The following WWOX variants were observed in gnomAD, a reference collection of about 807,000 sequenced individuals.
WWOX encodes WW domain containing oxidoreductase.
A neutral mutation model predicts 46.2 loss-of-function variants in WWOX; 69 were observed. The ratio of observed to expected loss-of-function variants is 1.49; its 90% CI spans 1.23 to 1.82. The LOEUF (loss-of-function observed/expected upper bound fraction) is 1.82. Among genes scored for constraint, WWOX ranks in the 40% most tolerant of loss-of-function variants. WWOX has a pLI of 0.00. For synonymous variants in WWOX, 359 were observed against 202.6 expected (o/e 1.77, Z -6.56); for missense variants, 919 against 542.6 (o/e 1.69, Z -6.89).
rs748514681 is a variant in WWOX at position 78,540,016 on chromosome 16, T to TCACACA, written c.1056+107265_1056+107266insACACAC. ...CTCTCTTTCTCTCTCTCTCTCTCTC[T>TCACACA]CTCTCACACACACACACACACACAC... On this transcript the variant is annotated intron_variant, in intron 8 of 8. Transcript: ENST00000566780. Among the ~76,000 whole-genome samples, 937 of 120,710 alleles carry TCACACA rather than the reference T, an allele frequency of 7.8e-3. 3 individuals are homozygous for TCACACA. Among genetic ancestry groups the TCACACA allele is most frequent in the South Asian group, 0.011 (42 of 3,686 alleles). The allele number at this position is 120,710 out of a possible 152,430, so 79.2% of individuals were successfully genotyped here.
intron 8 of WWOX, among the ~76,000 whole-genome samples, chr16:78,920,880 A>C (rs2045362868): frequency 6.6e-6 from 1 of 152,228 alleles, no homozygotes; most frequent in African/African-American, 2.4e-5. Flanking sequence ...CTCGATGAGC[A>C]AATGATTCCA....
At chr16:78,953,559 G>C (rs895901431) in intron 8 of WWOX, among the ~76,000 whole-genome samples, 6 of 152,126 alleles carry the variant, frequency 3.9e-5, no homozygotes, top group South Asian at 2.1e-4. Flanking sequence ...CATTGCCCCA[G>C]GGGACTCATT....
chr16:78,432,415 T>A (rs2083243505), intron 7 of WWOX, 73 bp from the exon 8 acceptor site: 27 of 1,588,718 alleles, frequency 1.7e-5, no homozygotes, highest in Non-Finnish European at 2.1e-5. Flanking sequence ...ATTCCTTAGA[T>A]TTCCAATAAA....
chr16:78,321,318 A>G (rs867924977), intron 5 of WWOX, among the ~76,000 whole-genome samples: 12,681 of 96,070 alleles, frequency 0.13, 1,559 homozygotes, highest in African/African-American at 0.23. Flanking sequence ...ATATATGCGT[A>G]TATATATACG....
intron 8 of WWOX, among the ~76,000 whole-genome samples, chr16:79,054,980 T>G (rs1007999884): frequency 2.6e-5 from 4 of 152,208 alleles, no homozygotes; most frequent in African/African-American, 9.7e-5. Flanking sequence ...TGTGCAATGG[T>G]TTTCCACTGA....
chr16:79,003,278 G>A (rs376592802), intron 8 of WWOX, among the ~76,000 whole-genome samples: 1 of 152,150 alleles, frequency 6.6e-6, no homozygotes, highest in Admixed American at 6.5e-5. Context: ...AAACTGAAAG[G>A]CAATCAAAGT....
At chr16:78,760,178 C>T (rs754339217) in intron 8 of WWOX, among the ~76,000 whole-genome samples, 6 of 152,112 alleles carry the variant, frequency 3.9e-5, no homozygotes, top group African/African-American at 9.7e-5. Context: ...CGGCAGCAGA[C>T]GAGAGAGAGT....
chr16:78,784,118 A>G (rs2050397951), intron 8 of WWOX, among the ~76,000 whole-genome samples: 1 of 152,138 alleles, frequency 6.6e-6, no homozygotes, highest in Non-Finnish European at 1.5e-5. Context: ...TTTTAAATGC[A>G]TTTACACCAA....
At chr16:78,725,543 C>T (rs1304122750) in intron 8 of WWOX, among the ~76,000 whole-genome samples, 1 of 151,544 alleles carries the variant, frequency 6.6e-6, no homozygotes, top group Admixed American at 6.6e-5. Flanking sequence ...AATGGGGTTT[C>T]ACCATGTTGG....
chr16:78,294,818 C>T (rs2079917985), intron 5 of WWOX, among the ~76,000 whole-genome samples: 1 of 121,532 alleles, frequency 8.2e-6, no homozygotes, highest in African/African-American at 2.9e-5. Flanking sequence ...GTTTGGTCAA[C>T]ATTTGTTGAT....
At chr16:79,136,556 G>T (rs1392058711) in intron 8 of WWOX, among the ~76,000 whole-genome samples, 1 of 152,164 alleles carries the variant, frequency 6.6e-6, no homozygotes, top group Non-Finnish European at 1.5e-5. Context: ...GCTAATTTCT[G>T]TGAAATTGTG....
intron 5 of WWOX, among the ~76,000 whole-genome samples, chr16:78,329,429 C>T (rs1037670157): frequency 3.3e-5 from 5 of 152,202 alleles, no homozygotes; most frequent in African/African-American, 1.2e-4. Context: ...TCTGTATTTG[C>T]TGACCCTGTC....
chr16:79,115,969 A>C (rs2049507798), intron 8 of WWOX, among the ~76,000 whole-genome samples: 2 of 152,250 alleles, frequency 1.3e-5, no homozygotes, highest in South Asian at 4.1e-4. Flanking sequence ...AAATATCTCA[A>C]TAAGGCAAGT....
chr16:78,826,516 C>G lies in WWOX; in HGVS notation c.1057-385092C>G, dbSNP rs115817767. On this transcript the variant is annotated intron_variant, in intron 8 of 8. Coordinates refer to ENST00000566780, the MANE Select transcript of WWOX (RefSeq NM_016373.4). ...GGCTGTGACCATATCACTCCAATCC[C>G]TGCCTCTGCAGCCACATGGCCTTCT... is the stretch of plus-strand genomic sequence containing the variant. 6.8e-3 allele frequency among the ~76,000 whole-genome samples: 1,035 copies of G among 152,348 alleles called. 10 individuals are homozygous for G. Among genetic ancestry groups the G allele is most frequent in the African/African-American group, 0.023 (953 of 41,582 alleles).
At chr16:78,588,066 C>T (rs1438448488) in intron 8 of WWOX, among the ~76,000 whole-genome samples, 1 of 152,138 alleles carries the variant, frequency 6.6e-6, no homozygotes, top group African/African-American at 2.4e-5. Flanking sequence ...GGGTGGTGGT[C>T]ACAGCCCTGC....
intron 8 of WWOX, among the ~76,000 whole-genome samples, chr16:78,858,446 GAAT>G (rs2052621115): frequency 6.6e-6 from 1 of 151,806 alleles, no homozygotes; most frequent in African/African-American, 2.4e-5. Context: ...GCAAATTGAA[GAAT>G]AATACATGTA....
At chr16:78,474,391 A>G (rs1380379816) in intron 8 of WWOX, among the ~76,000 whole-genome samples, 2 of 152,224 alleles carry the variant, frequency 1.3e-5, no homozygotes, top group Admixed American at 6.5e-5. Context: ...TAAACCGATC[A>G]TCACAGAAGA....
chr16:78,726,087 TCCTC>T (rs151264242), intron 8 of WWOX, among the ~76,000 whole-genome samples: 3,855 of 113,204 alleles, frequency 0.034, 257 homozygotes, highest in African/African-American at 0.12. Flanking sequence ...CCCTCCCTCT[TCCTC>T]CCTCCCTCCC....
At chr16:79,155,168 G>T (rs1438046472) in intron 8 of WWOX, among the ~76,000 whole-genome samples, 1 of 152,176 alleles carries the variant, frequency 6.6e-6, no homozygotes, top group Non-Finnish European at 1.5e-5. Context: ...ATGAAGTCAA[G>T]AGATGGAAAC....
Sources: allele counts gnomAD v4.1 joint callset (sites outside exome capture counted in the v4.1 genomes callset), GRCh38; gene constraint gnomAD v4.1.1; transcripts MANE v1.5; gene names NCBI Gene and HGNC (gene_info 2026-07-23, HGNC 2026-07-21).